LIMCH1: variants seen among roughly 807,000 people sequenced by gnomAD.
The protein encoded by LIMCH1 is LIM and calponin homology domains-containing protein 1.
A neutral mutation model predicts 176.5 loss-of-function variants in LIMCH1; 113 were observed. That is an observed-to-expected ratio of 0.64 (90% CI 0.55 to 0.75). The LOEUF (loss-of-function observed/expected upper bound fraction) is 0.75, where lower values mean the gene tolerates loss of function less well. LIMCH1 is among the 30% of genes least tolerant of loss of function. The pLI is 0.00. For missense variants in LIMCH1, 1,674 were observed against 1,814.9 expected, an observed-to-expected ratio of 0.92 and a Z score of 1.41; for synonymous variants, 619 against 645.9, an observed-to-expected ratio of 0.96 and a Z score of 0.63.
intron 3 of LIMCH1, among the ~76,000 whole-genome samples, chr4:41,530,043 A>G (rs1303339746): frequency 6.6e-6 from 1 of 152,236 alleles, no homozygotes. Flanking sequence ...AGTTTCCATA[A>G]GTTCTTTAGA....
At position 41,399,397 on chromosome 4, in the gene LIMCH1, G is replaced by A. The variant is rs575918420; in HGVS notation, c.96+38461G>A. ...TGGTTTGCCTGAGGGAATCTGGGAAGTAAGGAGATGGAAGAAGTTGGGCGA... is the reference window on the plus strand; with the variant it reads ...TGGTTTGCCTGAGGGAATCTGGGAAATAAGGAGATGGAAGAAGTTGGGCGA... On this transcript the variant is annotated intron_variant, in intron 1 of 26. Transcript: ENST00000313860. 2.4e-4 allele frequency among the ~76,000 whole-genome samples: 37 copies of A among 152,314 alleles called. 1 individual carries two copies. Among genetic ancestry groups the A allele is most frequent in the African/African-American group, 8.7e-4 (36 of 41,580 alleles).
At chr4:41,381,786 G>C (rs2055709479) in intron 1 of LIMCH1, among the ~76,000 whole-genome samples, 1 of 152,132 alleles carries the variant, frequency 6.6e-6, no homozygotes, top group Non-Finnish European at 1.5e-5. Context: ...CCCCAGACAA[G>C]GCTATCCTAG....
chr4:41,566,735 A>C (rs183291707), intron 1 of LIMCH1, among the ~76,000 whole-genome samples: 1 of 152,372 alleles, frequency 6.6e-6, no homozygotes, highest in East Asian at 1.9e-4. Context: ...ATGTTTTGAT[A>C]AACATCTCAT....
At chr4:41,472,007 T>C (rs1002370387) in intron 1 of LIMCH1, among the ~76,000 whole-genome samples, 3 of 152,200 alleles carry the variant, frequency 2.0e-5, no homozygotes, top group Non-Finnish European at 4.4e-5. Flanking sequence ...CTGGGTGCCT[T>C]ATATGGTGTG....
At chr4:41,400,320 T>A (rs973152859) in intron 1 of LIMCH1, among the ~76,000 whole-genome samples, 4 of 152,140 alleles carry the variant, frequency 2.6e-5, no homozygotes, top group Non-Finnish European at 5.9e-5. Context: ...CTTGGAAAAT[T>A]TTTTACCTTT....
chr4:41,418,064 GCTGCCCCTAC>G (rs1253928926), intron 1 of LIMCH1, among the ~76,000 whole-genome samples: 2 of 152,180 alleles, frequency 1.3e-5, no homozygotes, highest in African/African-American at 4.8e-5. Context: ...ACAAAAGAGA[GCTGCCCCTAC>G]CCACTACTTT....
chr4:41,554,855 G>T (rs994231455), intron 1 of LIMCH1, among the ~76,000 whole-genome samples: 5 of 152,146 alleles, frequency 3.3e-5, no homozygotes, highest in Admixed American at 6.5e-5. Flanking sequence ...CCTATTAGGT[G>T]TCGAGCACTG....
At chr4:41,472,969 C>CTGCT in intron 1 of LIMCH1, 1 of 943,404 alleles carries the variant, frequency 1.1e-6, no homozygotes, top group Non-Finnish European at 1.3e-6. Flanking sequence ...TTGGGAAATG[C>CTGCT]TGCTGTAAGC....
chr4:41,447,355 T>C (rs1200961496), intron 1 of LIMCH1, among the ~76,000 whole-genome samples: 1 of 152,222 alleles, frequency 6.6e-6, no homozygotes, highest in South Asian at 2.1e-4. Context: ...TAAATACTGA[T>C]ATCTGCTTCT....
intron 1 of LIMCH1, among the ~76,000 whole-genome samples, chr4:41,425,749 C>T (rs962046745): frequency 2.0e-5 from 3 of 152,218 alleles, no homozygotes; most frequent in Non-Finnish European, 4.4e-5. Context: ...TAGTTGTTTA[C>T]AATCAGTTGC....
intron 21 of LIMCH1, chr4:41,670,752 T>C: frequency 6.5e-7 from 1 of 1,536,012 alleles, no homozygotes; most frequent in Non-Finnish European, 8.7e-7. Flanking sequence ...CGCTTAGAGT[T>C]CAGAACTCTT....
chr4:41,583,783 CTTTT>C (rs544573341), intron 1 of LIMCH1, among the ~76,000 whole-genome samples: 1 of 133,022 alleles, frequency 7.5e-6, no homozygotes, highest in Admixed American at 7.2e-5. Context: ...CTCTCTCTCT[CTTTT>C]TTTTTTTTGC....
chr4:41,366,301 C>G (rs2052973400), intron 1 of LIMCH1, among the ~76,000 whole-genome samples: 1 of 152,128 alleles, frequency 6.6e-6, no homozygotes, highest in Non-Finnish European at 1.5e-5. Context: ...GTATTTTGGC[C>G]TTGATTTTCA....
Position 41,699,987 on chromosome 4 carries a change from C to T in LIMCH1, c.*2802C>T, listed in dbSNP as rs1732474012. On this transcript the variant is annotated 3_prime_UTR_variant, in exon 32 of 32. Transcript: ENST00000503057. ...GTAAAAAATAAAAACAACAAGTTGT[C>T]TAAAATGCAACAGCTTTTATAGTAA... 6.6e-6 allele frequency: 1 copy of T among 152,096 alleles called. No individual in the cohort carries two copies. Among genetic ancestry groups the T allele is most frequent in the Non-Finnish European group, 1.5e-5 (1 of 68,006 alleles). The allele number at this position is 152,096 out of a possible 1,614,324, so 9.4% of individuals were successfully genotyped here.
intron 18 of LIMCH1, among the ~76,000 whole-genome samples, chr4:41,653,021 T>C (rs1364628176): frequency 6.6e-6 from 1 of 152,198 alleles, no homozygotes; most frequent in African/African-American, 2.4e-5. Context: ...ACCCTGTCTA[T>C]AGTACTTTAG....
chr4:41,378,697 T>C (rs1285659725), intron 1 of LIMCH1, among the ~76,000 whole-genome samples: 1 of 152,130 alleles, frequency 6.6e-6, no homozygotes, highest in African/African-American at 2.4e-5. Context: ...TCAGTGGGAA[T>C]GAATGTGAGA....
chr4:41,545,111 T>A (rs576634759), intron 1 of LIMCH1, among the ~76,000 whole-genome samples: 1 of 152,338 alleles, frequency 6.6e-6, no homozygotes, highest in South Asian at 2.1e-4. Flanking sequence ...TAAAACAGAT[T>A]CTGTTCTTTG....
chr4:41,691,728 A>C (rs777442524), intron 30 of LIMCH1, among the ~76,000 whole-genome samples: 2 of 152,070 alleles, frequency 1.3e-5, no homozygotes, highest in Non-Finnish European at 2.9e-5. Flanking sequence ...ATGCCATTGC[A>C]CTCCAGCCTG....
chr4:41,457,025 A>T (rs1296110928), intron 1 of LIMCH1, among the ~76,000 whole-genome samples: 1 of 152,194 alleles, frequency 6.6e-6, no homozygotes, highest in Non-Finnish European at 1.5e-5. Context: ...TTGAGGGCAC[A>T]AAGGGAAATT....
Sources: gnomAD v4.1 joint callset for allele counts (sites outside exome capture counted in the v4.1 genomes callset) on GRCh38, gnomAD v4.1.1 for gene constraint, MANE v1.5 for transcripts, NCBI Gene and HGNC (gene_info 2026-07-23, HGNC 2026-07-21) for gene names.